Variants in ZNF771 observed in about 807,000 individuals in gnomAD.
The protein encoded by ZNF771 is zinc finger protein 771.
A neutral mutation model predicts 27.6 loss-of-function variants in ZNF771; 10 were observed. The observed-to-expected ratio is 0.36, with a 90% CI of 0.22 to 0.61. ZNF771 has a LOEUF of 0.61. Among genes scored for constraint, ZNF771 ranks in the 20% least tolerant of loss-of-function variants. The pLI is 0.70. For synonymous variants in ZNF771, 261 were observed against 225.2 expected (o/e 1.16, Z -1.43); for missense variants, 438 against 503.7 (o/e 0.87, Z 1.25).
chr16:30,412,790 C>CAA (rs953740017), intron 2 of ZNF771, among the ~76,000 whole-genome samples: 1 of 136,008 alleles, frequency 7.4e-6, no homozygotes. Context: ...GACCTTTTCT[C>CAA]AAAAAAAAAA....
At chr16:30,415,158 A>C (rs569438214) in intron 2 of ZNF771, among the ~76,000 whole-genome samples, 1 of 150,924 alleles carries the variant, frequency 6.6e-6, no homozygotes, top group Non-Finnish European at 1.5e-5. Context: ...GGGTTTCACC[A>C]TGTTGGCCAG....
intron 2 of ZNF771, among the ~76,000 whole-genome samples, chr16:30,414,889 C>T (rs1414574583): frequency 6.6e-6 from 1 of 150,422 alleles, no homozygotes; most frequent in Non-Finnish European, 1.5e-5. Flanking sequence ...TTGTGATCTG[C>T]CCACCTCAGC....
In ZNF771 at chr16:30,418,035, T is replaced by G; in HGVS notation, c.622T>G (p.Cys208Gly). ...TGERPYACAD[C>G]GTRFAQSSAL... ...CGAGCGGCCCTACGCTTGCGCCGAC[T>G]GCGGCACGCGCTTCGCTCAGAGCTC... is the stretch of plus-strand genomic sequence containing the variant. The change falls in exon 3 of 3, where the codon TGC (cysteine) becomes GGC (glycine). Residue 208 changes from cysteine to glycine, a missense_variant. Around this residue, in one of 3 missense-constraint regions of ZNF771, gnomAD observed 305 missense variants for 308.0 expected, o/e 0.99. Coordinates refer to ENST00000319296, the MANE Select transcript of ZNF771 (RefSeq NM_001142305.2). The G allele has an allele frequency of 6.9e-7, 1 of 1,448,080 alleles. No individual in the cohort carries two copies. Among genetic ancestry groups the G allele is most frequent in the Non-Finnish European group, 9.0e-7 (1 of 1,110,676 alleles). The allele number at this position is 1,448,080 out of a possible 1,614,324, so 89.7% of individuals were successfully genotyped here.
chr16:30,417,605 G>C lies in ZNF771; in HGVS notation c.192G>C (p.Ala64=). ...CCGCCGACCCGGCGCGTCCCCACGC[G>C]TGCCCCGACTGCGGCCGCGCCTTCG... ...APSADPARPH[A]CPDCGRAFAR... is the part of the protein sequence containing the mutation. Residue 64 remains alanine (A), a synonymous_variant, in exon 3 of 3, where the codon GCG becomes GCC. Transcript: ENST00000319296. 7.7e-7 allele frequency: 1 copy of C among 1,302,860 alleles called. No individual in the cohort carries two copies. Among genetic ancestry groups the C allele is most frequent in the Non-Finnish European group, 9.7e-7 (1 of 1,030,070 alleles). The allele number at this position is 1,302,860 out of a possible 1,614,324, so 80.7% of individuals were successfully genotyped here.
In ZNF771 at chr16:30,418,446, C is replaced by T. The variant is rs1292770928; in HGVS notation, c.*79C>T. ...CCAGGCTCCTCCTCGCCCCGGCCTCCGGGTCTGGGAAATTGAGGGGACGGC... is the reference window on the plus strand; with the variant it reads ...CCAGGCTCCTCCTCGCCCCGGCCTCTGGGTCTGGGAAATTGAGGGGACGGC... On this transcript the variant is annotated 3_prime_UTR_variant, in exon 3 of 3. Coordinates refer to ENST00000319296, the MANE Select transcript of ZNF771 (RefSeq NM_001142305.2). 2 of 1,320,176 alleles carry T rather than the reference C, an allele frequency of 1.5e-6. No homozygotes were observed. Among genetic ancestry groups the T allele is most frequent in the African/African-American group, 1.6e-5 (1 of 64,230 alleles). The allele number at this position is 1,320,176 out of a possible 1,614,324, so 81.8% of individuals were successfully genotyped here.
At chr16:30,408,017 G>A in intron 1 of ZNF771, 28 bp from the exon 2 acceptor site, 1 of 1,387,850 alleles carries the variant, frequency 7.2e-7, no homozygotes, top group East Asian at 2.8e-5. Flanking sequence ...GGCGGGTCCT[G>A]AGCTTCTGAT....
At chr16:30,417,452 T>G in intron 2 of ZNF771, 103 bp from the exon 3 acceptor site, 1 of 781,292 alleles carries the variant, frequency 1.3e-6, no homozygotes, top group Non-Finnish European at 1.7e-6. Flanking sequence ...TCCTATTTCA[T>G]AGATGGGGAA....
chr16:30,418,057 GC>G lies in ZNF771; in HGVS notation c.645del (p.Ser216ArgfsTer55), dbSNP rs2050146227. Reference sequence around the variant, plus strand: ...GACTGCGGCACGCGCTTCGCTCAGAGCTCGGCGCTGGCCAAGCACCGGCGCG... The same window carrying G: ...GACTGCGGCACGCGCTTCGCTCAGAGTCGGCGCTGGCCAAGCACCGGCGCG... ...CADCGTRFAQ[S>X]SALAKHRRVH... is the part of the protein sequence containing the mutation. On this transcript the variant is annotated frameshift_variant, in exon 3 of 3. Coordinates refer to ENST00000319296, the MANE Select transcript of ZNF771 (RefSeq NM_001142305.2). LOFTEE classifies it high-confidence loss of function. The G allele has an allele frequency of 6.8e-7, 1 of 1,468,792 alleles. No homozygotes were observed. Among genetic ancestry groups the G allele is most frequent in the Admixed American group, 2.5e-5 (1 of 39,832 alleles). 91.0% of individuals were successfully genotyped at this position (1,468,792 alleles called of 1,614,324 possible). A position where few individuals can be genotyped will look rare whatever the true frequency, so the allele number is the denominator to read the frequency against.
chr16:30,416,281 A>G (rs1041452231), intron 2 of ZNF771, among the ~76,000 whole-genome samples: 3 of 152,072 alleles, frequency 2.0e-5, no homozygotes, highest in African/African-American at 7.2e-5. Context: ...AACCATCTAT[A>G]GGTTGACAGC....
At chr16:30,413,121 G>A (rs1321307187) in intron 2 of ZNF771, among the ~76,000 whole-genome samples, 1 of 152,104 alleles carries the variant, frequency 6.6e-6, no homozygotes, top group Non-Finnish European at 1.5e-5. Flanking sequence ...TGTTTGCTCT[G>A]GTTAAAAAAC....
chr16:30,409,580 G>A (rs1425604484), intron 2 of ZNF771, among the ~76,000 whole-genome samples: 2 of 152,190 alleles, frequency 1.3e-5, no homozygotes, highest in Non-Finnish European at 2.9e-5. Flanking sequence ...GACCCAGCTT[G>A]CAGGGGCCGG....
intron 2 of ZNF771, among the ~76,000 whole-genome samples, chr16:30,415,567 G>A (rs890253699): frequency 6.6e-6 from 1 of 151,926 alleles, no homozygotes; most frequent in Non-Finnish European, 1.5e-5. Context: ...ATTTGTAGTA[G>A]AGACGGGGTT....
At chr16:30,407,934 A>T (rs2050084164) in intron 1 of ZNF771, 111 bp from the exon 2 acceptor site, 7 of 603,312 alleles carry the variant, frequency 1.2e-5, no homozygotes, top group South Asian at 1.2e-4. Context: ...AGACCAGGGC[A>T]GGGCGGGAGA....
chr16:30,418,256 C>T lies in ZNF771; in HGVS notation c.843C>T (p.His281=), dbSNP rs1260507709. ...SSHFIRHRRA[H]MRRRLYICAG... The stretch of plus-strand genomic sequence containing the variant: ...ACTTCATTCGCCACCGACGCGCGCA[C>T]ATGCGGCGCCGCCTGTATATTTGCG... The change falls in exon 3 of 3, where the codon CAC becomes CAT. Residue 281 remains histidine (H), a synonymous_variant. Coordinates refer to ENST00000319296, the MANE Select transcript of ZNF771 (RefSeq NM_001142305.2). 5 of 1,512,942 alleles carry T rather than the reference C, an allele frequency of 3.3e-6. No homozygotes were observed. Among genetic ancestry groups the T allele is most frequent in the Non-Finnish European group, 4.4e-6 (5 of 1,137,454 alleles). The allele number at this position is 1,512,942 out of a possible 1,614,324, so 93.7% of individuals were successfully genotyped here.
Position 30,417,687 on chromosome 16 carries a change from G to A in ZNF771, c.274G>A (p.Gly92Arg). The A allele has an allele frequency of 7.2e-7, 1 of 1,387,366 alleles. No individual in the cohort carries two copies. Among genetic ancestry groups the A allele is most frequent in the Non-Finnish European group, 9.3e-7 (1 of 1,073,368 alleles). The allele number at this position is 1,387,366 out of a possible 1,614,324, so 85.9% of individuals were successfully genotyped here. The change falls in exon 3 of 3, where the codon GGG (glycine) becomes AGG (arginine). Residue 92 changes from glycine (G) to arginine (R), a missense_variant. By Grantham distance (125) the Gly-to-Arg change is moderately radical (BLOSUM62 -2). Around this residue, in one of 3 missense-constraint regions of ZNF771, gnomAD observed 49 missense variants for 106.5 expected, o/e 0.46. Transcript: ENST00000319296. ...ARTHTGERPF[G>R]CTECGRRFSQ... ...CACGCACACGGGCGAACGGCCCTTC[G>A]GGTGCACCGAGTGCGGGCGGCGCTT...
At position 30,417,924 on chromosome 16, in the gene ZNF771, G is replaced by T. The variant is rs1400610375; in HGVS notation, c.511G>T (p.Gly171Cys). Residue 171 changes from glycine to cysteine, a missense_variant, in exon 3 of 3, where the codon GGC becomes TGC. Transcript: ENST00000319296. ...CGCACAGCACCTGCGCGTGCACACG[G>T]GCGAGAAGCCGTACGCGTGCCCGGA... is the stretch of plus-strand genomic sequence containing the variant. ...NYAQHLRVHTGEKPYACPDCG... is the reference protein window; with the variant it reads ...NYAQHLRVHTCEKPYACPDCG... 3 of 1,518,270 alleles carry T rather than the reference G, an allele frequency of 2.0e-6. No homozygotes were observed. Among genetic ancestry groups the T allele is most frequent in the Non-Finnish European group, 2.6e-6 (3 of 1,142,894 alleles). 94.0% of individuals were successfully genotyped at this position (1,518,270 alleles called of 1,614,324 possible).
At chr16:30,410,876 A>G (rs2050100438) in intron 2 of ZNF771, among the ~76,000 whole-genome samples, 1 of 151,192 alleles carries the variant, frequency 6.6e-6, no homozygotes, top group African/African-American at 2.4e-5. Context: ...AAAAAAAAAA[A>G]AAAAAAAGTT....
At chr16:30,410,528 T>C (rs1275302696) in intron 2 of ZNF771, among the ~76,000 whole-genome samples, 1 of 151,982 alleles carries the variant, frequency 6.6e-6, no homozygotes, top group African/African-American at 2.4e-5. Context: ...CCAGAGGAGA[T>C]GATTTTTGAC....
At position 30,410,344 on chromosome 16, in the gene ZNF771, G is replaced by A. The variant is rs537907644; in HGVS notation, c.141+2150G>A. On this transcript the variant is annotated intron_variant, in intron 2 of 2. Coordinates refer to ENST00000319296, the MANE Select transcript of ZNF771 (RefSeq NM_001142305.2). ...TCTCGAACTCCTGACCTCATGATCC[G>A]CCCGCCTCGGCCTCCCAAAGTGTTG... Among the ~76,000 whole-genome samples, 8 of 152,066 alleles carry A rather than the reference G, an allele frequency of 5.3e-5. No homozygotes were observed. In the East Asian group the frequency reaches 1.2e-3, roughly 22 times the overall value.
Sources: gnomAD v4.1 joint callset for allele counts (sites outside exome capture counted in the v4.1 genomes callset) on GRCh38, gnomAD v4.1.1 for gene constraint, gnomAD v4.1.1 regional missense constraint, MANE v1.5 for transcripts, NCBI Gene and HGNC (gene_info 2026-07-23, HGNC 2026-07-21) for gene names.